Variants in C10orf90 observed in about 807,000 individuals in gnomAD.
C10orf90 encodes the protein chromosome 10 open reading frame 90, also known as (E2-independent) E3 ubiquitin-conjugating enzyme FATS.
Under a neutral mutation model 62.5 loss-of-function variants are expected in C10orf90, and 56 were observed. The observed-to-expected ratio is 0.90, with a 90% CI of 0.72 to 1.12. C10orf90 has a LOEUF of 1.12. Ranked by LOEUF, C10orf90 falls within the 50% of genes most tolerant of loss-of-function variation. The pLI is 0.00. For missense variants in C10orf90, 970 were observed against 880.4 expected, an observed-to-expected ratio of 1.10 and a Z score of -1.29; for synonymous variants, 386 against 340.4, an observed-to-expected ratio of 1.13 and a Z score of -1.47.
At chr10:126,524,913 A>C (rs2133947214) in intron 2 of C10orf90, 24 of 843,374 alleles carry the variant, frequency 2.8e-5, no homozygotes, top group Non-Finnish European at 3.1e-5. Flanking sequence ...TGTCAAGCTC[A>C]CTGAACAAGC....
At chr10:126,506,750 C>A (rs570988418) in intron 3 of C10orf90, among the ~76,000 whole-genome samples, 1 of 152,246 alleles carries the variant, frequency 6.6e-6, no homozygotes, top group South Asian at 2.1e-4. Context: ...AGAGGAAGGG[C>A]CTATGTGTGT....
intron 2 of C10orf90, among the ~76,000 whole-genome samples, chr10:126,537,233 T>C (rs1274866092): frequency 2.0e-5 from 3 of 152,182 alleles, no homozygotes; most frequent in African/African-American, 7.2e-5. Flanking sequence ...ACAGGAGGGT[T>C]TATGTGACTG....
chr10:126,506,226 A>G (rs894727092), intron 3 of C10orf90, among the ~76,000 whole-genome samples: 7 of 152,252 alleles, frequency 4.6e-5, no homozygotes, highest in East Asian at 1.9e-4. Flanking sequence ...AGAGTATGCT[A>G]TGATTTTTAA....
At chr10:126,537,844 C>A (rs749592296) in intron 2 of C10orf90, among the ~76,000 whole-genome samples, 5 of 152,126 alleles carry the variant, frequency 3.3e-5, no homozygotes, top group Non-Finnish European at 7.4e-5. Flanking sequence ...CCCCCAGTAC[C>A]TCAGAATGTG....
intron 4 of C10orf90, among the ~76,000 whole-genome samples, chr10:126,469,180 A>G (rs181061573): frequency 1.3e-5 from 2 of 152,336 alleles, no homozygotes; most frequent in Admixed American, 1.3e-4. Context: ...TGCCCAGGGA[A>G]TTTTAATAGC....
Position 126,505,080 on chromosome 10 carries a change from G to A in C10orf90, c.411C>T (p.Thr137=), listed in dbSNP as rs1418499016. The change falls in exon 4 of 10, where the codon ACC becomes ACT. Residue 137 remains threonine, a synonymous_variant. Transcript: ENST00000488181. The part of the protein sequence containing the change: ...TEAKSDFTKE[T]LASQNTKMIS... ...TCATTTTTGTGTTTTGTGATGCCAGGGTCTCCTGCAAATAGAAAAAGATCC... is the reference window on the plus strand; with the variant it reads ...TCATTTTTGTGTTTTGTGATGCCAGAGTCTCCTGCAAATAGAAAAAGATCC... The A allele has an allele frequency of 3.1e-6, 5 of 1,602,730 alleles. No homozygotes were observed. The highest frequency in any genetic ancestry group is 4.3e-6 in the Non-Finnish European group (5 of 1,173,670).
intron 2 of C10orf90, among the ~76,000 whole-genome samples, chr10:126,606,298 A>G (rs567177054): frequency 9.2e-5 from 14 of 152,360 alleles, no homozygotes; most frequent in African/African-American, 3.4e-4. Flanking sequence ...AGTATGATAA[A>G]TGATTTGGGT....
chr10:126,631,396 A>AGCTGCCCCTTGCCCT (rs1413769501), intron 2 of C10orf90, among the ~76,000 whole-genome samples: 4 of 152,156 alleles, frequency 2.6e-5, no homozygotes, highest in African/African-American at 9.7e-5. Flanking sequence ...TCCTGGAGAC[A>AGCTGCCCCTTGCCCT]GCTGCCCCTT....
chr10:126,521,262 A>T, intron 2 of C10orf90: 1 of 1,606,556 alleles, frequency 6.2e-7, no homozygotes, highest in Non-Finnish European at 8.5e-7. Flanking sequence ...TTATATTTTA[A>T]TAAGGGTTAT....
intron 3 of C10orf90, among the ~76,000 whole-genome samples, chr10:126,509,312 T>A (rs918151354): frequency 5.3e-5 from 8 of 152,140 alleles, no homozygotes; most frequent in African/African-American, 1.9e-4. Flanking sequence ...CCTCTCAAAA[T>A]ACCAATGTGT....
intron 2 of C10orf90, among the ~76,000 whole-genome samples, chr10:126,592,513 C>T (rs1458418610): frequency 6.6e-6 from 1 of 152,136 alleles, no homozygotes; most frequent in Non-Finnish European, 1.5e-5. Flanking sequence ...AAACTGGACC[C>T]CTTCCTTACA....
intron 4 of C10orf90, among the ~76,000 whole-genome samples, chr10:126,497,953 A>T (rs1270878185): frequency 6.6e-6 from 1 of 151,958 alleles, no homozygotes; most frequent in Non-Finnish European, 1.5e-5. Flanking sequence ...TGATTCTAAC[A>T]CTCTCTGGGT....
chr10:126,426,111 A>C, intron 8 of C10orf90, 21 bp from the exon 9 acceptor site: 2 of 1,593,812 alleles, frequency 1.3e-6, no homozygotes, highest in Non-Finnish European at 1.7e-6. Flanking sequence ...TTCGGAAAAC[A>C]TTTGGAATGG....
Position 126,504,678 on chromosome 10 carries a change from G to A in C10orf90, c.813C>T (p.Phe271=), listed in dbSNP as rs764455262. Residue 271 remains phenylalanine, a synonymous_variant, in exon 4 of 10, where the codon TTC becomes TTT. Coordinates refer to ENST00000488181, the MANE Select transcript of C10orf90 (RefSeq NM_001350921.2). The surrounding 1 kb of genome is among the most constrained non-coding windows in gnomAD (Gnocchi z 4.1). The part of the protein sequence containing the change: ...CPKCRAEDTL[F]QAPPALANGA... ...CATTGGCCAGAGCCGGGGGCGCCTGGAACAGTGTGTCCTCAGCCCTGCACT... is the reference window on the plus strand; with the variant it reads ...CATTGGCCAGAGCCGGGGGCGCCTGAAACAGTGTGTCCTCAGCCCTGCACT... 2.4e-5 allele frequency: 38 copies of A among 1,613,968 alleles called. No homozygotes were observed. The highest frequency in any genetic ancestry group is 3.2e-5 in the Non-Finnish European group (38 of 1,180,000).
intron 4 of C10orf90, chr10:126,502,742 A>C (rs1260744889): frequency 2.0e-6 from 1 of 497,114 alleles, no homozygotes; most frequent in East Asian, 5.9e-5. Flanking sequence ...AAGGAAGACG[A>C]AGTGCTTAGC....
intron 4 of C10orf90, among the ~76,000 whole-genome samples, chr10:126,476,902 A>G (rs898307237): frequency 1.6e-5 from 2 of 126,668 alleles, no homozygotes; most frequent in Admixed American, 1.6e-4. Flanking sequence ...ATGTATCACC[A>G]TTTTCCTTTT....
At chr10:126,642,494 T>C (rs754259932) in intron 2 of C10orf90, among the ~76,000 whole-genome samples, 4 of 151,974 alleles carry the variant, frequency 2.6e-5, no homozygotes, top group East Asian at 1.9e-4. Flanking sequence ...ATCGCGCCAC[T>C]GCACTCCAGC....
At chr10:126,650,973 C>A (rs536059313) in intron 1 of C10orf90, among the ~76,000 whole-genome samples, 1 of 152,296 alleles carries the variant, frequency 6.6e-6, no homozygotes, top group Admixed American at 6.5e-5. Flanking sequence ...TCTGCTAAGA[C>A]AATGGTAACA....
chr10:126,559,884 T>G (rs1486104456), intron 2 of C10orf90, among the ~76,000 whole-genome samples: 1 of 152,168 alleles, frequency 6.6e-6, no homozygotes, highest in African/African-American at 2.4e-5. Flanking sequence ...TTGCCGGAAA[T>G]TCTACTGAAA....
Sources: gnomAD v4.1 joint callset for allele counts (sites outside exome capture counted in the v4.1 genomes callset) on GRCh38, gnomAD v4.1.1 for gene constraint, Gnocchi (gnomAD v3.1) non-coding constraint, MANE v1.5 for transcripts, NCBI Gene and HGNC (gene_info 2026-07-23, HGNC 2026-07-21) for gene names.